KRABD3: variants seen among roughly 807,000 people sequenced by gnomAD.
The protein encoded by KRABD3 is KRAB domain-containing protein 3.
At chr7:149,729,180 TA>T in the KRABD3 span, 1 of 1,479,704 alleles carries the variant, frequency 6.8e-7, no homozygotes, top group Non-Finnish European at 9.0e-7. Context: ...GATTTCTCAT[TA>T]AAACAGGACT....
At chr7:149,719,528 C>T in the KRABD3 span, 27 of 1,550,832 alleles carry the variant, frequency 1.7e-5, no homozygotes, top group East Asian at 4.8e-5. The surrounding 1 kb of genome is among the most constrained non-coding windows in gnomAD (Gnocchi z 5.6). Context: ...CCAACCCCCC[C>T]GGAGACTGTG....
the KRABD3 span, chr7:149,720,747 G>T: frequency 3.1e-6 from 4 of 1,300,946 alleles, no homozygotes; most frequent in South Asian, 4.2e-5. Context: ...GGAGGATTAC[G>T]TGAGATGCTG....
At chr7:149,733,646 G>A in the KRABD3 span, 1 of 1,589,380 alleles carries the variant, frequency 6.3e-7, no homozygotes, top group East Asian at 2.3e-5. Flanking sequence ...CTGCAGGGCT[G>A]GTGACCTGCA....
chr7:149,716,942 GAGGCCCAAAT>G, the KRABD3 span, among the ~76,000 whole-genome samples: 1 of 152,152 alleles, frequency 6.6e-6, no homozygotes, highest in Admixed American at 6.5e-5. Context: ...TGAGTTCACT[GAGGCCCAAAT>G]AGGTTAGGTT....
the KRABD3 span, chr7:149,724,956 CT>C: frequency 2.1e-6 from 2 of 950,706 alleles, no homozygotes; most frequent in Non-Finnish European, 1.5e-6. Context: ...GAGCCGCCCC[CT>C]GGCCTTTCTT....
At chr7:149,720,116 G>C in the KRABD3 span, 4,066 of 1,551,920 alleles carry the variant, frequency 2.6e-3, 12 homozygotes, top group Middle Eastern at 5.7e-3. Flanking sequence ...GCTGGTTGTG[G>C]AGATCCCCAG....
At chr7:149,733,215 A>T in the KRABD3 span, 3 of 1,603,622 alleles carry the variant, frequency 1.9e-6, no homozygotes, top group African/African-American at 2.7e-5. Flanking sequence ...GCCAAGACCC[A>T]TGAGAGGCTG....
chr7:149,732,686 G>C, the KRABD3 span, among the ~76,000 whole-genome samples: 1 of 152,202 alleles, frequency 6.6e-6, no homozygotes, highest in Non-Finnish European at 1.5e-5. The surrounding 1 kb of genome is among the most constrained non-coding windows in gnomAD (Gnocchi z 4.0). Context: ...AAAGCAGAAG[G>C]GGGTGGGAAC....
At chr7:149,717,271 G>A in the KRABD3 span, among the ~76,000 whole-genome samples, 3 of 152,306 alleles carry the variant, frequency 2.0e-5, no homozygotes, top group South Asian at 4.1e-4. Flanking sequence ...CACACACCAC[G>A]TCATTTGCTC....
the KRABD3 span, chr7:149,722,324 G>T: frequency 3.9e-6 from 6 of 1,523,382 alleles, no homozygotes; most frequent in Non-Finnish European, 5.3e-6. Flanking sequence ...GACTTGGGTG[G>T]CTGGAGAGGG....
At chr7:149,719,938 C>T in the KRABD3 span, 6 of 1,473,274 alleles carry the variant, frequency 4.1e-6, no homozygotes, top group Non-Finnish European at 4.5e-6. The surrounding 1 kb of genome is among the most constrained non-coding windows in gnomAD (Gnocchi z 5.6). Flanking sequence ...GGGGCCTGGG[C>T]TGCTATGCAA....
chr7:149,733,697 C>T, the KRABD3 span: 8 of 1,582,528 alleles, frequency 5.1e-6, no homozygotes, highest in Non-Finnish European at 6.9e-6. Flanking sequence ...ACGTCCGCTG[C>T]CTCCAGACGC....
At chr7:149,731,590 T>G in the KRABD3 span, 1 of 995,268 alleles carries the variant, frequency 1.0e-6, no homozygotes. Flanking sequence ...GTTGAGAGTT[T>G]GATATTGTTT....
the KRABD3 span, chr7:149,720,027 C>G: frequency 1.3e-6 from 2 of 1,549,828 alleles, no homozygotes; most frequent in Non-Finnish European, 1.7e-6. Context: ...AGCTGCTCCC[C>G]CTCTCTGCTT....
At chr7:149,725,342 A>T in the KRABD3 span, 2 of 1,599,154 alleles carry the variant, frequency 1.3e-6, no homozygotes, top group Non-Finnish European at 1.7e-6. Flanking sequence ...TCACCGCTGG[A>T]AGCCCTGGAA....
chr7:149,720,829 C>A, the KRABD3 span: 1 of 1,579,148 alleles, frequency 6.3e-7, no homozygotes, highest in East Asian at 2.3e-5. Context: ...TGTGGCCTCT[C>A]TGCAGGGGGA....
chr7:149,729,284 C>T, the KRABD3 span: 24 of 1,603,198 alleles, frequency 1.5e-5, no homozygotes, highest in Non-Finnish European at 2.0e-5. Context: ...CAGGTGTTCA[C>T]CTCCAGCTGC....
At chr7:149,730,273 C>G in the KRABD3 span, 4 of 1,552,376 alleles carry the variant, frequency 2.6e-6, no homozygotes, top group Non-Finnish European at 3.5e-6. Context: ...GGCTCCAGCT[C>G]GAGCTTCAGC....
the KRABD3 span, chr7:149,721,664 T>A: frequency 9.2e-7 from 1 of 1,084,554 alleles, no homozygotes. Flanking sequence ...TGCTGTTCTT[T>A]TGTTAACAAA....
Sources: allele counts gnomAD v4.1 joint callset (sites outside exome capture counted in the v4.1 genomes callset), GRCh38; gene constraint gnomAD v4.1.1; non-coding constraint Gnocchi (gnomAD v3.1); transcripts MANE v1.5; gene names NCBI Gene and HGNC (gene_info 2026-07-23, HGNC 2026-07-21).